UGT1A7: variants seen among roughly 807,000 people sequenced by gnomAD.
The protein encoded by UGT1A7 is UDP glucuronosyltransferase family 1 member A7.
A neutral mutation model predicts 45.6 loss-of-function variants in UGT1A7; 33 were observed. That is an observed-to-expected ratio of 0.72 (90% CI 0.55 to 0.97). The LOEUF (loss-of-function observed/expected upper bound fraction) is 0.97, where lower values mean the gene tolerates loss of function less well. Ranked by LOEUF, UGT1A7 falls within the 50% of genes least tolerant of loss-of-function variation. UGT1A7 has a pLI of 0.00. For missense variants in UGT1A7, 684 were observed against 666.2 expected, an observed-to-expected ratio of 1.03 and a Z score of -0.29; for synonymous variants, 274 against 250.6, an observed-to-expected ratio of 1.09 and a Z score of -0.88.
At chr2:233,685,147 ATACTT>A (rs2074725560) in intron 1 of UGT1A7, among the ~76,000 whole-genome samples, 2 of 152,174 alleles carry the variant, frequency 1.3e-5, no homozygotes, top group African/African-American at 4.8e-5. Flanking sequence ...ATGTAATTAA[ATACTT>A]TAACAAGGAT....
At chr2:233,753,742 T>C (rs1695292071) in intron 1 of UGT1A7, 1 of 152,200 alleles carries the variant, frequency 6.6e-6, no homozygotes, top group African/African-American at 2.4e-5. Context: ...AGCACAGCAA[T>C]AGGACAGTTT....
At chr2:233,715,992 A>G (rs1463123086) in intron 1 of UGT1A7, among the ~76,000 whole-genome samples, 2 of 152,168 alleles carry the variant, frequency 1.3e-5, no homozygotes, top group African/African-American at 2.4e-5. Flanking sequence ...AAACACAACA[A>G]AACCCAAAAT....
In UGT1A7 at chr2:233,769,262, G is replaced by C. The variant is rs1197405588; in HGVS notation, c.1295+823G>C. On this transcript the variant is annotated intron_variant, in intron 4 of 4. Transcript: ENST00000373426. This position sits in a 1 kb window ranked among gnomAD's most constrained non-coding sequence, Gnocchi z 4.4. The stretch of plus-strand genomic sequence containing the variant: ...TTTGCTCAAATGTGGCCCTGAAAAC[G>C]ATTCAAAGGGCAAATGATTTCTGGA... Among the ~76,000 whole-genome samples the C allele has an allele frequency of 6.6e-6, 1 of 152,184 alleles. No homozygotes were observed. Among genetic ancestry groups the C allele is most frequent in the Non-Finnish European group, 1.5e-5 (1 of 68,036 alleles).
Position 233,769,697 on chromosome 2 carries a change from A to C in UGT1A7, c.1295+1258A>C. The C allele has an allele frequency of 6.5e-7, 1 of 1,535,580 alleles. No individual in the cohort carries two copies. The highest frequency in any genetic ancestry group is 8.8e-7 in the Non-Finnish European group (1 of 1,140,024). On this transcript the variant is annotated intron_variant, in intron 4 of 4. Transcript: ENST00000373426. The surrounding 1 kb of genome is among the most constrained non-coding windows in gnomAD (Gnocchi z 4.4). ...TGTGTGTGTGGTGGCACTGGATAAA[A>C]GATCAATGTTGGCTAGGCACCATGG...
intron 1 of UGT1A7, among the ~76,000 whole-genome samples, chr2:233,735,346 T>G (rs559111340): frequency 6.6e-6 from 1 of 152,330 alleles, no homozygotes; most frequent in African/African-American, 2.4e-5. Flanking sequence ...GCTTTTTTTT[T>G]GCTTTCCATT....
intron 1 of UGT1A7, among the ~76,000 whole-genome samples, chr2:233,723,552 T>G (rs1350574557): frequency 7.9e-6 from 1 of 126,806 alleles, no homozygotes; most frequent in Non-Finnish European, 1.6e-5. Flanking sequence ...ATTTTTTTAT[T>G]GATAATTCTT....
chr2:233,755,100 G>A, intron 1 of UGT1A7: 9 of 1,335,078 alleles, frequency 6.7e-6, no homozygotes, highest in South Asian at 1.1e-5. Context: ...CTACGCGTCC[G>A]ACAACACCTC....
At chr2:233,690,379 A>G (rs1457106396) in intron 1 of UGT1A7, 1 of 968,960 alleles carries the variant, frequency 1.0e-6, no homozygotes, top group African/African-American at 1.7e-5. Flanking sequence ...CATAGGGTCC[A>G]CGTTTCCAGA....
Position 233,716,253 on chromosome 2 carries a change from C to T in UGT1A7, c.855+33461C>T, listed in dbSNP as rs28948390. On this transcript the variant is annotated intron_variant, in intron 1 of 4. Transcript: ENST00000373426. Reference sequence around the variant, plus strand: ...TACATTGTCCTGCCCGGACATCCAGCATAATCTCCCCATGTCAAAACCCTT... The same window carrying T: ...TACATTGTCCTGCCCGGACATCCAGTATAATCTCCCCATGTCAAAACCCTT... Among the ~76,000 whole-genome samples the T allele has an allele frequency of 8.7e-3, 1,327 of 152,306 alleles. 20 individuals are homozygous for T. Among genetic ancestry groups the T allele is most frequent in the African/African-American group, 0.03 (1,235 of 41,562 alleles).
intron 1 of UGT1A7, among the ~76,000 whole-genome samples, chr2:233,766,114 G>A (rs1214540183): frequency 6.6e-6 from 1 of 152,178 alleles, no homozygotes; most frequent in Non-Finnish European, 1.5e-5. Flanking sequence ...CTGGGGGCTT[G>A]CCTTGGTGTA....
intron 1 of UGT1A7, chr2:233,717,847 A>G (rs1429786450): frequency 2.2e-6 from 1 of 455,006 alleles, no homozygotes; most frequent in Non-Finnish European, 4.4e-6. Flanking sequence ...CATTCTTATC[A>G]GAACTTGGTG....
At chr2:233,768,583 T>C (rs2538830) in intron 4 of UGT1A7, 144 bp downstream of exon 4, 1 of 47,932 alleles carries the variant, frequency 2.1e-5, no homozygotes, top group Non-Finnish European at 2.6e-5. Flanking sequence ...TTATTTCTTC[T>C]TTTTTTTTTT....
chr2:233,717,710 C>A, intron 1 of UGT1A7: 2 of 452,848 alleles, frequency 4.4e-6, no homozygotes, highest in Non-Finnish European at 8.9e-6. Context: ...CAGGACGAGC[C>A]TCATGGGCAT....
At chr2:233,718,193 G>A (rs1200369383) in intron 1 of UGT1A7, among the ~76,000 whole-genome samples, 4 of 152,124 alleles carry the variant, frequency 2.6e-5, no homozygotes, top group Admixed American at 1.3e-4. Context: ...CAGCCTCCCC[G>A]GAGCTTTTTT....
intron 1 of UGT1A7, chr2:233,754,982 G>T (rs777457239): frequency 2.3e-5 from 30 of 1,295,872 alleles, no homozygotes; most frequent in Middle Eastern, 2.1e-4. Flanking sequence ...AGACCTCGGC[G>T]GGGTCACGGA....
rs1321370763 is a variant in UGT1A7 at position 233,760,541 on chromosome 2, G to A, written c.856-6493G>A. 6.2e-7 allele frequency: 1 copy of A among 1,614,268 alleles called. No homozygotes were observed. Among genetic ancestry groups the A allele is most frequent in the Non-Finnish European group, 8.5e-7 (1 of 1,180,050 alleles). On this transcript the variant is annotated intron_variant, in intron 1 of 4. Coordinates refer to ENST00000373426, the MANE Select transcript of UGT1A7 (RefSeq NM_019077.3). ...AAGACGTACCCTGTGCCATTCCAAA[G>A]GGAGGATGTGAAAGAGTCTTTTGTT... is the stretch of plus-strand genomic sequence containing the variant.
At chr2:233,759,612 A>T (rs992811783) in intron 1 of UGT1A7, among the ~76,000 whole-genome samples, 1 of 32,712 alleles carries the variant, frequency 3.1e-5, no homozygotes, top group African/African-American at 8.8e-5. Flanking sequence ...CGCCCCACCC[A>T]CCCACCTGTT....
intron 1 of UGT1A7, among the ~76,000 whole-genome samples, chr2:233,748,560 A>G (rs1345265737): frequency 1.3e-5 from 2 of 151,814 alleles, no homozygotes; most frequent in Admixed American, 1.3e-4. Context: ...CACTCGCAGG[A>G]AGTAGAAGTG....
chr2:233,692,244 C>G (rs1287404440), intron 1 of UGT1A7: 1 of 152,330 alleles, frequency 6.6e-6, no homozygotes, highest in Non-Finnish European at 1.5e-5. Flanking sequence ...CATGGCCATA[C>G]CCCCATATCT....
Sources: allele counts gnomAD v4.1 joint callset (sites outside exome capture counted in the v4.1 genomes callset), GRCh38; gene constraint gnomAD v4.1.1; non-coding constraint Gnocchi (gnomAD v3.1); transcripts MANE v1.5; gene names NCBI Gene and HGNC (gene_info 2026-07-23, HGNC 2026-07-21).